The following CDH12 variants were observed in gnomAD, a reference collection of about 807,000 sequenced individuals.
CDH12 encodes the protein cadherin 12, also known as cadherin-12.
A neutral mutation model predicts 74.1 loss-of-function variants in CDH12; 41 were observed. The ratio of observed to expected loss-of-function variants is 0.55; its 90% CI spans 0.43 to 0.72. The LOEUF is 0.72. Among genes scored for constraint, CDH12 ranks in the 30% least tolerant of loss-of-function variants. The probability of loss-of-function intolerance (pLI) is 0.00; values close to 1 mark genes in which losing one functional copy is unlikely to be tolerated. For synonymous variants in CDH12, 399 were observed against 355.0 expected (o/e 1.12, Z -1.39); for missense variants, 945 against 977.2 (o/e 0.97, Z 0.44).
chr5:22,400,891 C>G (rs1742700941), intron 3 of CDH12, among the ~76,000 whole-genome samples: 1 of 151,950 alleles, frequency 6.6e-6, no homozygotes, highest in African/African-American at 2.4e-5. Flanking sequence ...TTGGATTCCC[C>G]AACTTGGAAG....
At chr5:22,138,996 CAG>C (rs1746634484) in intron 4 of CDH12, among the ~76,000 whole-genome samples, 1 of 150,338 alleles carries the variant, frequency 6.7e-6, no homozygotes, top group Non-Finnish European at 1.5e-5. Context: ...TAAGACAAAA[CAG>C]GGAACCAGGT....
At chr5:22,165,233 A>C (rs557774724) in intron 4 of CDH12, among the ~76,000 whole-genome samples, 15 of 152,142 alleles carry the variant, frequency 9.9e-5, no homozygotes, top group African/African-American at 3.4e-4. Flanking sequence ...GAAAGCCCCA[A>C]GTGATCAGTT....
chr5:21,768,722 C>A (rs369256115), intron 11 of CDH12, among the ~76,000 whole-genome samples: 3 of 151,932 alleles, frequency 2.0e-5, no homozygotes, highest in Non-Finnish European at 2.9e-5. Flanking sequence ...ATTTAAGGAA[C>A]AAATAATATC....
intron 2 of CDH12, among the ~76,000 whole-genome samples, chr5:22,416,206 C>G (rs1743383190): frequency 6.6e-6 from 1 of 150,536 alleles, no homozygotes; most frequent in South Asian, 2.1e-4. Context: ...TCCCGAGTAG[C>G]TGGGACTACA....
At chr5:21,880,608 C>CTCTCTCTCT (rs1561268256) in intron 6 of CDH12, among the ~76,000 whole-genome samples, 1 of 65,680 alleles carries the variant, frequency 1.5e-5, no homozygotes, top group African/African-American at 6.4e-5. Flanking sequence ...TCCTTCCTTC[C>CTCTCTCTCT]TTCCTTCCTT....
At chr5:22,058,125 C>T (rs565093394) in intron 5 of CDH12, among the ~76,000 whole-genome samples, 8 of 152,048 alleles carry the variant, frequency 5.3e-5, no homozygotes, top group African/African-American at 1.7e-4. Flanking sequence ...GGTACAATCT[C>T]GGCTCACTGC....
At chr5:22,810,485 GAAAC>G (rs370195995) in intron 1 of CDH12, among the ~76,000 whole-genome samples, 1 of 151,958 alleles carries the variant, frequency 6.6e-6, no homozygotes, top group Admixed American at 6.6e-5. Flanking sequence ...CATTAAAGTT[GAAAC>G]AAACATTCAA....
chr5:21,967,984 A>C (rs1257028644), intron 6 of CDH12, among the ~76,000 whole-genome samples: 1 of 152,164 alleles, frequency 6.6e-6, no homozygotes, highest in Non-Finnish European at 1.5e-5. Context: ...TTGTCTCCAC[A>C]CATCAAGGTA....
chr5:22,830,811 T>A (rs1190849595), intron 1 of CDH12, among the ~76,000 whole-genome samples: 2 of 151,660 alleles, frequency 1.3e-5, no homozygotes, highest in African/African-American at 2.4e-5. Context: ...AGAAAATTAT[T>A]CACTTCTCTA....
At chr5:21,842,022 T>G in intron 8 of CDH12, 139 bp downstream of exon 8, 1 of 686,086 alleles carries the variant, frequency 1.5e-6, no homozygotes, top group Non-Finnish European at 2.4e-6. Context: ...AAAAAAAGAT[T>G]TGTAATTTTT....
intron 2 of CDH12, among the ~76,000 whole-genome samples, chr5:22,455,333 G>A (rs1438665475): frequency 1.3e-5 from 2 of 152,148 alleles, no homozygotes; most frequent in Non-Finnish European, 2.9e-5. Flanking sequence ...GAAATCAATA[G>A]ATAAATTTTG....
chr5:21,807,677 G>A (rs1455456767), intron 9 of CDH12, among the ~76,000 whole-genome samples: 1 of 151,910 alleles, frequency 6.6e-6, no homozygotes, highest in East Asian at 1.9e-4. Flanking sequence ...ATATTTTGAG[G>A]AATTTGAAAA....
intron 7 of CDH12, among the ~76,000 whole-genome samples, chr5:21,844,876 T>C (rs542586897): frequency 1.3e-5 from 2 of 152,294 alleles, no homozygotes; most frequent in South Asian, 4.1e-4. Flanking sequence ...ATCTATTTGG[T>C]GACAGTCACA....
intron 1 of CDH12, among the ~76,000 whole-genome samples, chr5:22,790,505 A>T (rs973843330): frequency 6.6e-6 from 1 of 152,124 alleles, no homozygotes; most frequent in Admixed American, 6.5e-5. Context: ...TGTAACTTTC[A>T]TCTTATCCGT....
chr5:21,998,736 T>C (rs1482711407), intron 5 of CDH12, among the ~76,000 whole-genome samples: 1 of 152,018 alleles, frequency 6.6e-6, no homozygotes, highest in African/African-American at 2.4e-5. Flanking sequence ...GACAGTGTCT[T>C]CTCGTGTGTC....
At chr5:21,977,665 C>A (rs1757128438) in intron 5 of CDH12, among the ~76,000 whole-genome samples, 3 of 152,160 alleles carry the variant, frequency 2.0e-5, no homozygotes, top group Non-Finnish European at 4.4e-5. Context: ...AATGAAGAAG[C>A]AAAATGTGTC....
intron 3 of CDH12, among the ~76,000 whole-genome samples, chr5:22,292,385 A>C (rs189970606): frequency 9.5e-4 from 143 of 150,260 alleles, no homozygotes; most frequent in Non-Finnish European, 1.7e-3. Flanking sequence ...AAAAGCAAAA[A>C]TAGACAAATG....
At chr5:22,310,705 C>T (rs1224639640) in intron 3 of CDH12, among the ~76,000 whole-genome samples, 1 of 152,158 alleles carries the variant, frequency 6.6e-6, no homozygotes, top group Non-Finnish European at 1.5e-5. Context: ...TTAGAGAGCA[C>T]ATGGTATTGT....
intron 2 of CDH12, among the ~76,000 whole-genome samples, chr5:22,417,376 A>G (rs374280374): frequency 2.4e-4 from 36 of 152,246 alleles, no homozygotes; most frequent in African/African-American, 8.4e-4. Flanking sequence ...GGGGGACTGG[A>G]TAAGTTCAGG....
Sources: gnomAD v4.1 joint callset for allele counts (sites outside exome capture counted in the v4.1 genomes callset) on GRCh38, gnomAD v4.1.1 for gene constraint, MANE v1.5 for transcripts, NCBI Gene and HGNC (gene_info 2026-07-23, HGNC 2026-07-21) for gene names.